ADAMTSL1: variants seen among roughly 807,000 people sequenced by gnomAD.
ADAMTSL1 encodes ADAMTS-like protein 1.
In ADAMTSL1, 126 loss-of-function variants were observed where a neutral mutation model predicts 201.8. That is an observed-to-expected ratio of 0.62 (90% CI 0.54 to 0.72). ADAMTSL1 has a LOEUF of 0.72. Among genes scored for constraint, ADAMTSL1 ranks in the 30% least tolerant of loss-of-function variants. The pLI is 0.00. For synonymous variants in ADAMTSL1, 1,121 were observed against 903.4 expected, an observed-to-expected ratio of 1.24 and a Z score of -4.32; for missense variants, 2,679 against 2,277.8, an observed-to-expected ratio of 1.18 and a Z score of -3.59.
At chr9:17,965,114 T>C (rs570441311) in intron 1 of ADAMTSL1, among the ~76,000 whole-genome samples, 16 of 152,294 alleles carry the variant, frequency 1.1e-4, no homozygotes, top group Non-Finnish European at 1.9e-4. Flanking sequence ...AACCTGGAAA[T>C]TAAATAGAAT....
chr9:18,317,691 G>A (rs1478013860), intron 2 of ADAMTSL1, among the ~76,000 whole-genome samples: 1 of 152,174 alleles, frequency 6.6e-6, no homozygotes, highest in African/African-American at 2.4e-5. Flanking sequence ...CACCCAGCCT[G>A]CTCACCCCGA....
At chr9:18,793,242 C>T (rs1822165444) in intron 19 of ADAMTSL1, 1 of 152,248 alleles carries the variant, frequency 6.6e-6, no homozygotes, top group Non-Finnish European at 1.5e-5. Flanking sequence ...CTACTTCCTG[C>T]CTTTCCTCTG....
rs116715273 is a variant in ADAMTSL1 at position 18,400,597 on chromosome 9, T to C, written c.208-104232T>C. Among the ~76,000 whole-genome samples the C allele has an allele frequency of 3.4e-3, 511 of 152,332 alleles. 3 individuals carry two copies. Among genetic ancestry groups the C allele is most frequent in the African/African-American group, 0.012 (488 of 41,590 alleles). On this transcript the variant is annotated intron_variant, in intron 2 of 29. Coordinates refer to the ADAMTSL1 transcript ENST00000680146. ...TGTATGATGTATTTGCAATTGTACA[T>C]AGAATACGTTTCGAACAGGAGTGAA...
At chr9:18,104,100 G>T (rs1020614510) in intron 1 of ADAMTSL1, among the ~76,000 whole-genome samples, 2 of 152,084 alleles carry the variant, frequency 1.3e-5, no homozygotes, top group Non-Finnish European at 2.9e-5. Context: ...ATGCTTAGGG[G>T]AACTACTTGT....
intron 23 of ADAMTSL1, among the ~76,000 whole-genome samples, chr9:18,842,900 C>T (rs1229907025): frequency 6.6e-6 from 1 of 152,102 alleles, no homozygotes; most frequent in Admixed American, 6.6e-5. Context: ...GATCTTCCTC[C>T]ATCCTTTTAT....
At chr9:18,043,818 A>G (rs1247407376) in intron 1 of ADAMTSL1, among the ~76,000 whole-genome samples, 1 of 151,892 alleles carries the variant, frequency 6.6e-6, no homozygotes, top group Non-Finnish European at 1.5e-5. Context: ...CGTAGGTACA[A>G]TGTATAGGGA....
At chr9:17,941,498 C>G (rs931141491) in intron 1 of ADAMTSL1, among the ~76,000 whole-genome samples, 6 of 152,088 alleles carry the variant, frequency 3.9e-5, no homozygotes, top group African/African-American at 1.4e-4. Context: ...TTAGTTGATA[C>G]AATCTCTACC....
intron 13 of ADAMTSL1, among the ~76,000 whole-genome samples, chr9:18,697,167 C>T (rs1243689572): frequency 6.6e-6 from 1 of 152,030 alleles, no homozygotes; most frequent in East Asian, 1.9e-4. Context: ...CAGGTGTGAG[C>T]CACCGTGCCT....
At chr9:18,826,016 A>C in intron 21 of ADAMTSL1, 1 of 580,090 alleles carries the variant, frequency 1.7e-6, no homozygotes. Context: ...CTGTCTCATC[A>C]CTGTAAGTTT....
At chr9:18,133,590 C>T (rs10810905) in intron 1 of ADAMTSL1, among the ~76,000 whole-genome samples, 85,799 of 151,940 alleles carry the variant, frequency 0.56, 27,230 homozygotes, top group Non-Finnish European at 0.71. Flanking sequence ...CTGTATACCA[C>T]GAGCTTTTGA....
intron 3 of ADAMTSL1, among the ~76,000 whole-genome samples, chr9:18,535,031 C>A (rs542804772): frequency 6.6e-6 from 1 of 152,316 alleles, no homozygotes; most frequent in East Asian, 1.9e-4. Flanking sequence ...ACATTCATCT[C>A]CTCATTACTT....
At chr9:18,296,546 A>G (rs1399397675) in intron 2 of ADAMTSL1, among the ~76,000 whole-genome samples, 1 of 152,198 alleles carries the variant, frequency 6.6e-6, no homozygotes, top group African/African-American at 2.4e-5. Context: ...ATACATATAA[A>G]TAAATTTGGT....
chr9:18,158,427 T>C (rs766824494), intron 1 of ADAMTSL1, among the ~76,000 whole-genome samples: 18 of 151,928 alleles, frequency 1.2e-4, no homozygotes, highest in Non-Finnish European at 2.2e-4. Context: ...GGAATGAAGA[T>C]TTTTTGGATT....
intron 1 of ADAMTSL1, among the ~76,000 whole-genome samples, chr9:18,498,338 C>CTT (rs1338838478): frequency 2.8e-5 from 4 of 141,052 alleles, no homozygotes; most frequent in East Asian, 2.1e-4. Flanking sequence ...CCCCCACCCC[C>CTT]TTTTTTTTTT....
At position 18,647,157 on chromosome 9, in the gene ADAMTSL1, T is replaced by C. The variant is rs1028840930; in HGVS notation, c.834+7746T>C. On this transcript the variant is annotated intron_variant, in intron 7 of 28. Transcript: ENST00000380548. ...GAGGAATTTACCATTTCTTCTAGAT[T>C]TTCTAGTTTATTTGTGTAGAGGTGC... 2.6e-5 allele frequency among the ~76,000 whole-genome samples: 4 copies of C among 152,302 alleles called. 1 individual carries two copies. Among genetic ancestry groups the C allele is most frequent in the African/African-American group, 9.6e-5 (4 of 41,586 alleles).
intron 23 of ADAMTSL1, among the ~76,000 whole-genome samples, chr9:18,861,041 A>C (rs1029240227): frequency 5.9e-5 from 9 of 152,080 alleles, no homozygotes; most frequent in African/African-American, 2.2e-4. Context: ...TCATATACAC[A>C]TCCCTCATTA....
At chr9:18,445,194 T>A (rs796770779) in intron 2 of ADAMTSL1, among the ~76,000 whole-genome samples, 7 of 152,296 alleles carry the variant, frequency 4.6e-5, no homozygotes, top group African/African-American at 1.7e-4. Flanking sequence ...ATAACCAGTT[T>A]CTCTCTTCAG....
At chr9:18,310,393 A>AC (rs1371478834) in intron 2 of ADAMTSL1, among the ~76,000 whole-genome samples, 3 of 139,514 alleles carry the variant, frequency 2.2e-5, no homozygotes, top group Non-Finnish European at 1.5e-5. Context: ...AAAAAAAAAA[A>AC]AAAAAACTAT....
intron 14 of ADAMTSL1, among the ~76,000 whole-genome samples, chr9:18,720,010 T>C (rs1833237736): frequency 6.6e-6 from 1 of 152,256 alleles, no homozygotes; most frequent in Admixed American, 6.5e-5. Flanking sequence ...TGTCCAGCTA[T>C]AGATAGGTAT....
Sources: allele counts gnomAD v4.1 joint callset (sites outside exome capture counted in the v4.1 genomes callset), GRCh38; gene constraint gnomAD v4.1.1; transcripts MANE v1.5; gene names NCBI Gene and HGNC (gene_info 2026-07-23, HGNC 2026-07-21).